Variants in CSMD2 observed in about 807,000 individuals in gnomAD.
CSMD2 encodes CUB and sushi domain-containing protein 2.
A neutral mutation model predicts 398.5 loss-of-function variants in CSMD2; 130 were observed. The ratio of observed to expected loss-of-function variants is 0.33; its 90% CI spans 0.28 to 0.38. The LOEUF (loss-of-function observed/expected upper bound fraction) is 0.38, where lower values mean the gene tolerates loss of function less well. Among genes scored for constraint, CSMD2 ranks in the 10% least tolerant of loss-of-function variants. CSMD2 has a pLI of 1.00. For missense variants in CSMD2, 3,829 were observed against 4,764.9 expected, an observed-to-expected ratio of 0.80 and a Z score of 5.78; for synonymous variants, 1,828 against 1,908.5, an observed-to-expected ratio of 0.96 and a Z score of 1.10.
chr1:33,634,659 T>C (rs1642687585), intron 31 of CSMD2, among the ~76,000 whole-genome samples: 1 of 152,124 alleles, frequency 6.6e-6, no homozygotes, highest in Non-Finnish European at 1.5e-5. Context: ...TCTGCCCACA[T>C]CTCTTGGAAT....
intron 3 of CSMD2, among the ~76,000 whole-genome samples, chr1:34,000,270 C>T (rs1646859694): frequency 2.0e-5 from 3 of 152,072 alleles, no homozygotes; most frequent in South Asian, 2.1e-4. Flanking sequence ...GAGTGTCCCG[C>T]GGAAACCTCT....
chr1:33,774,741 T>C (rs538545411), intron 12 of CSMD2, among the ~76,000 whole-genome samples: 63 of 152,226 alleles, frequency 4.1e-4, no homozygotes, highest in African/African-American at 1.3e-3. Flanking sequence ...GAGGCTGTGA[T>C]TGGCTTAAGA....
chr1:33,665,360 T>C (rs58776912), intron 25 of CSMD2, among the ~76,000 whole-genome samples: 54 of 152,140 alleles, frequency 3.5e-4, no homozygotes, highest in African/African-American at 1.2e-3. Flanking sequence ...CATGTTATGC[T>C]TGGGCAGACC....
intron 3 of CSMD2, among the ~76,000 whole-genome samples, chr1:33,952,239 G>A (rs1025470780): frequency 1.4e-4 from 21 of 152,226 alleles, no homozygotes; most frequent in African/African-American, 4.6e-4. Context: ...GGACTGAACA[G>A]AGCTGTTGAA....
chr1:33,680,474 T>C (rs955172474), intron 25 of CSMD2, among the ~76,000 whole-genome samples: 31 of 152,170 alleles, frequency 2.0e-4, no homozygotes, highest in African/African-American at 7.2e-4. Flanking sequence ...TCTGGGATCC[T>C]GTGTTTGCTC....
chr1:33,821,468 A>G (rs1047110975), intron 7 of CSMD2, among the ~76,000 whole-genome samples: 1 of 152,174 alleles, frequency 6.6e-6, no homozygotes, highest in South Asian at 2.1e-4. Flanking sequence ...TTCCACTCAA[A>G]GCCTCACCAA....
At chr1:33,738,213 A>G (rs747260688) in intron 15 of CSMD2, among the ~76,000 whole-genome samples, 2 of 152,172 alleles carry the variant, frequency 1.3e-5, no homozygotes, top group Non-Finnish European at 1.5e-5. Flanking sequence ...TCCTCTTTCT[A>G]TCACATGAAA....
chr1:34,006,623 C>T (rs1219024024), intron 3 of CSMD2, among the ~76,000 whole-genome samples: 5 of 152,104 alleles, frequency 3.3e-5, no homozygotes, highest in Non-Finnish European at 1.5e-5. Flanking sequence ...CTTGTGAGCT[C>T]CTACAAGTCA....
At position 34,076,931 on chromosome 1, in the gene CSMD2, ATATATAT is replaced by A. The variant is rs1558342747; in HGVS notation, c.404+12039_404+12045del. 2.4e-3 allele frequency among the ~76,000 whole-genome samples: 191 copies of A among 81,264 alleles called. 2 individuals are homozygous for A. Among genetic ancestry groups the A allele is most frequent in the African/African-American group, 8.6e-3 (164 of 19,136 alleles). 53.3% of individuals were successfully genotyped at this position (81,264 alleles called of 152,430 possible). ...AAGCAAAAAAAAAAAAAAAAAAAAT[ATATATAT>A]ATATATATATATATATATAGAAGGC... On this transcript the variant is annotated intron_variant, in intron 2 of 70. Transcript: ENST00000373381.
intron 10 of CSMD2, among the ~76,000 whole-genome samples, chr1:33,807,202 T>C (rs1042608523): frequency 6.6e-6 from 1 of 152,160 alleles, no homozygotes; most frequent in Non-Finnish European, 1.5e-5. Flanking sequence ...AATGGAACTA[T>C]CAACTGATAA....
At chr1:33,811,602 A>C (rs1656877984) in intron 9 of CSMD2, among the ~76,000 whole-genome samples, 2 of 152,208 alleles carry the variant, frequency 1.3e-5, no homozygotes, top group Admixed American at 1.3e-4. Context: ...TAAAGATTCA[A>C]GGTGAATTAG....
At chr1:33,643,315 C>T (rs1643218318) in intron 29 of CSMD2, among the ~76,000 whole-genome samples, 1 of 152,182 alleles carries the variant, frequency 6.6e-6, no homozygotes, top group Non-Finnish European at 1.5e-5. Context: ...TATAAATATC[C>T]CACACTTATT....
intron 13 of CSMD2, among the ~76,000 whole-genome samples, chr1:33,748,441 C>A (rs917219629): frequency 1.3e-5 from 2 of 152,166 alleles, no homozygotes; most frequent in South Asian, 2.1e-4. Context: ...AAGCGTCAGA[C>A]TGTTGACAAA....
In CSMD2 at chr1:33,918,160, A is replaced by G. The variant is rs1338412128; in HGVS notation, c.854T>C (p.Ile285Thr). The change falls in exon 5 of 71, where the codon ATT (isoleucine) becomes ACT (threonine). Residue 285 changes from isoleucine to threonine, a missense_variant. Physicochemically the swap from Ile to Thr is moderately conservative, Grantham distance 89. This residue lies in a region of CSMD2 where 2,001 missense variants were observed against 2,567.1 expected (regional missense o/e 0.78). Transcript: ENST00000373381. ...GTAACCATCCTCCAGCTGGAAGTCAATAAACACCAGGGCGATGGTGTCCCC... is the reference window on the plus strand; with the variant it reads ...GTAACCATCCTCCAGCTGGAAGTCAGTAAACACCAGGGCGATGGTGTCCCC... The part of the protein sequence containing the change: ...ELGDTIALVF[I>T]DFQLEDGYDF... The G allele has an allele frequency of 6.2e-7, 1 of 1,614,202 alleles. No homozygotes were observed. Among genetic ancestry groups the G allele is most frequent in the East Asian group, 2.2e-5 (1 of 44,886 alleles).
Position 33,576,460 on chromosome 1 carries a change from G to A in CSMD2, c.7576+836C>T, listed in dbSNP as rs372299269. Among the ~76,000 whole-genome samples, 4 of 152,128 alleles carry A rather than the reference G, an allele frequency of 2.6e-5. No individual in the cohort carries two copies. The South Asian group carries it at 8.3e-4, about 31-fold the overall frequency. ...ACAAAAATTAGCCAGGCATGGTGGC[G>A]GGTGACTGTAATCCCAGCTACTCGG... On this transcript the variant is annotated intron_variant, in intron 49 of 70. Transcript: ENST00000373381.
intron 6 of CSMD2, among the ~76,000 whole-genome samples, chr1:33,840,555 C>T (rs1206606523): frequency 6.6e-6 from 1 of 152,200 alleles, no homozygotes; most frequent in African/African-American, 2.4e-5. Flanking sequence ...GACACTGAAC[C>T]AGGCACACAG....
intron 42 of CSMD2, among the ~76,000 whole-genome samples, chr1:33,604,552 T>C (rs1412703902): frequency 1.3e-5 from 2 of 152,088 alleles, no homozygotes; most frequent in Non-Finnish European, 2.9e-5. Context: ...GATCTGATCC[T>C]AGAGCTGGGG....
chr1:33,983,226 A>T (rs912007651), intron 3 of CSMD2, among the ~76,000 whole-genome samples: 2 of 152,162 alleles, frequency 1.3e-5, no homozygotes, highest in African/African-American at 2.4e-5. Flanking sequence ...ATGGCTTTTT[A>T]AAAAAATATC....
chr1:33,617,000 G>T (rs760282825), intron 38 of CSMD2, 25 bp from the exon 39 acceptor site: 12 of 1,603,482 alleles, frequency 7.5e-6, no homozygotes. Flanking sequence ...AACAGGGATG[G>T]GCTAGCTGTC....
Sources: allele counts gnomAD v4.1 joint callset (sites outside exome capture counted in the v4.1 genomes callset), GRCh38; gene constraint gnomAD v4.1.1; regional missense constraint gnomAD v4.1.1; transcripts MANE v1.5; gene names NCBI Gene and HGNC (gene_info 2026-07-23, HGNC 2026-07-21).